Variants in NT5DC1 observed in about 807,000 individuals in gnomAD.
The protein encoded by NT5DC1 is 5'-nucleotidase domain-containing protein 1.
NT5DC1 carries 42 observed loss-of-function variants against 59.4 expected under a neutral mutation model. That is an observed-to-expected ratio of 0.71 (90% confidence interval 0.55 to 0.92). NT5DC1 has a LOEUF of 0.92. Among genes scored for constraint, NT5DC1 ranks in the 40% least tolerant of loss-of-function variants. The pLI is 0.00. For missense variants in NT5DC1, 501 were observed against 537.1 expected, an observed-to-expected ratio of 0.93 and a Z score of 0.66; for synonymous variants, 172 against 188.1, an observed-to-expected ratio of 0.91 and a Z score of 0.70.
rs1216543801 is a variant in NT5DC1 at position 116,236,964 on chromosome 6, A to G, written c.803-2A>G. On this transcript the variant is annotated splice_acceptor_variant, in intron 8 of 11. Coordinates refer to ENST00000319550, the MANE Select transcript of NT5DC1 (RefSeq NM_152729.3). LOFTEE classifies it high-confidence loss of function. ...TATATGATTGTCAAACTGTATTTTC[A>G]GAGAATGATGAGGAGCAGGAGGCAC... The G allele has an allele frequency of 6.4e-7, 1 of 1,571,968 alleles. No individual in the cohort carries two copies. The highest frequency in any genetic ancestry group is 1.7e-5 in the Admixed American group (1 of 59,890).
At chr6:116,114,481 AG>A (rs752459121) in intron 4 of NT5DC1, among the ~76,000 whole-genome samples, 27 of 139,806 alleles carry the variant, frequency 1.9e-4, no homozygotes, top group Non-Finnish European at 3.5e-4. Flanking sequence ...TCAACGCTAA[AG>A]AACAAGACAA....
At position 116,106,405 on chromosome 6, in the gene NT5DC1, CTG is replaced by C. The variant is rs1244895451; in HGVS notation, c.185+72_185+73del. Reference sequence around the variant, plus strand: ...GTGGTTCTAATTGTTACTGATAAAACTGTAATGCTTTCTCTTCTAAGAAGATG... The same window carrying C: ...GTGGTTCTAATTGTTACTGATAAAACTAATGCTTTCTCTTCTAAGAAGATG... On this transcript the variant is annotated intron_variant, in intron 2 of 11. Transcript: ENST00000319550. 8.4e-6 allele frequency: 6 copies of C among 714,280 alleles called. No homozygotes were observed. In the East Asian group the frequency reaches 1.6e-4, roughly 19 times the overall value. The allele number at this position is 714,280 out of a possible 1,614,324, so 44.2% of individuals were successfully genotyped here.
chr6:116,114,449 A>G (rs1411732135), intron 4 of NT5DC1, among the ~76,000 whole-genome samples: 5 of 148,690 alleles, frequency 3.4e-5, no homozygotes, highest in African/African-American at 1.2e-4. Flanking sequence ...AGTGCTTAGA[A>G]TATGCTGAAC....
chr6:116,122,083 A>G, intron 6 of NT5DC1: 1 of 913,128 alleles, frequency 1.1e-6, no homozygotes, highest in Non-Finnish European at 1.8e-6. Flanking sequence ...TTCCATGTAG[A>G]CAGAACAGTC....
intron 6 of NT5DC1, among the ~76,000 whole-genome samples, chr6:116,163,141 A>AAATATATAT (rs761718922): frequency 6.1e-4 from 54 of 88,396 alleles, no homozygotes; most frequent in African/African-American, 3.1e-3. Flanking sequence ...AAAAAAAAAA[A>AAATATATAT]ATATATATAT....
intron 11 of NT5DC1, among the ~76,000 whole-genome samples, chr6:116,241,666 G>A (rs1012000207): frequency 6.6e-6 from 1 of 152,178 alleles, no homozygotes; most frequent in Non-Finnish European, 1.5e-5. Context: ...GCTCACGCCT[G>A]TAATCCCAGC....
At position 116,163,517 on chromosome 6, in the gene NT5DC1, TG is replaced by T. The variant is rs545507477; in HGVS notation, c.529+45573del. The stretch of plus-strand genomic sequence containing the variant: ...GCTTATTTGAGTCCTCTTTTTTTCT[TG>T]TTTAATCTAGTTAGTAGTCTATCAA... On this transcript the variant is annotated intron_variant, in intron 6 of 11. Transcript: ENST00000319550. 2.0e-3 allele frequency among the ~76,000 whole-genome samples: 307 copies of T among 152,250 alleles called. 1 individual carries two copies. The highest frequency in any genetic ancestry group is 7.2e-3 in the African/African-American group (301 of 41,554).
rs367887228 is a variant in NT5DC1 at position 116,114,812 on chromosome 6, A to G, written c.365-879A>G. Reference sequence around the variant, plus strand: ...GAGAAGCGCAGAGAATACCTCCTAGAGTTGTCTGTCCATGGAACAGGAAGC... The same window carrying G: ...GAGAAGCGCAGAGAATACCTCCTAGGGTTGTCTGTCCATGGAACAGGAAGC... On this transcript the variant is annotated intron_variant, in intron 4 of 11. Transcript: ENST00000319550. Among the ~76,000 whole-genome samples, 18 of 152,170 alleles carry G rather than the reference A, an allele frequency of 1.2e-4. No individual in the cohort carries two copies. In the South Asian group the frequency reaches 3.7e-3, roughly 32 times the overall value.
chr6:116,132,279 T>A (rs1452735557), intron 6 of NT5DC1, among the ~76,000 whole-genome samples: 1 of 152,166 alleles, frequency 6.6e-6, no homozygotes, highest in Non-Finnish European at 1.5e-5. Flanking sequence ...ACCTTAGAGG[T>A]GAAAATTGGA....
At chr6:116,198,334 GC>G (rs1274145431) in intron 6 of NT5DC1, among the ~76,000 whole-genome samples, 1 of 152,002 alleles carries the variant, frequency 6.6e-6, no homozygotes, top group Non-Finnish European at 1.5e-5. Flanking sequence ...ATGGAGATAG[GC>G]CTTTCCTTTT....
intron 6 of NT5DC1, among the ~76,000 whole-genome samples, chr6:116,182,222 AGTGTGTGTGTGT>A (rs35883565): frequency 4.0e-5 from 5 of 124,604 alleles, no homozygotes; most frequent in East Asian, 3.0e-4. Flanking sequence ...TTCCATGGAG[AGTGTGTGTGTGT>A]GTGTGTGTGT....
intron 6 of NT5DC1, among the ~76,000 whole-genome samples, chr6:116,175,267 T>G (rs149093854): frequency 7.2e-5 from 11 of 152,312 alleles, no homozygotes; most frequent in African/African-American, 2.6e-4. Context: ...AAACTAATGA[T>G]CTGATTTCTG....
At chr6:116,163,802 G>A (rs1398362226) in intron 6 of NT5DC1, among the ~76,000 whole-genome samples, 2 of 152,140 alleles carry the variant, frequency 1.3e-5, no homozygotes, top group Admixed American at 1.3e-4. Context: ...GATTTGATAT[G>A]TTACATGTCT....
At chr6:116,129,913 C>A (rs2114326093) in intron 6 of NT5DC1, among the ~76,000 whole-genome samples, 1 of 152,236 alleles carries the variant, frequency 6.6e-6, no homozygotes, top group East Asian at 1.9e-4. Context: ...GTTTGAGATA[C>A]ACACATTCAC....
chr6:116,111,777 G>A (rs530254071), intron 4 of NT5DC1, among the ~76,000 whole-genome samples: 20 of 152,324 alleles, frequency 1.3e-4, no homozygotes, highest in African/African-American at 4.3e-4. Flanking sequence ...AGCTGAAAAT[G>A]TCAGGAAGTA....
At chr6:116,125,353 G>A (rs1308116107) in intron 6 of NT5DC1, 2 of 1,613,692 alleles carry the variant, frequency 1.2e-6, no homozygotes, top group East Asian at 4.5e-5. Context: ...ACTCTTTATG[G>A]TGTAGGGAAT....
chr6:116,210,982 T>G (rs1781565471), intron 6 of NT5DC1, among the ~76,000 whole-genome samples: 2 of 152,120 alleles, frequency 1.3e-5, no homozygotes, highest in Admixed American at 1.3e-4. Flanking sequence ...TCCTTGAAAA[T>G]GAGCTGGACC....
chr6:116,190,085 T>C (rs1474935752), intron 6 of NT5DC1, among the ~76,000 whole-genome samples: 3 of 151,914 alleles, frequency 2.0e-5, no homozygotes, highest in Non-Finnish European at 4.4e-5. Flanking sequence ...TTTATGGGAA[T>C]AGCAATATCT....
chr6:116,144,866 A>G (rs886527895), intron 6 of NT5DC1, among the ~76,000 whole-genome samples: 2 of 152,214 alleles, frequency 1.3e-5, no homozygotes, highest in Non-Finnish European at 2.9e-5. Context: ...TGTTTGGCAC[A>G]TAGTTCAAAA....
Sources: gnomAD v4.1 joint callset for allele counts (sites outside exome capture counted in the v4.1 genomes callset) on GRCh38, gnomAD v4.1.1 for gene constraint, MANE v1.5 for transcripts, NCBI Gene and HGNC (gene_info 2026-07-23, HGNC 2026-07-21) for gene names.